C10orf67: variants seen among roughly 807,000 people sequenced by gnomAD.
C10orf67 encodes chromosome 10 open reading frame 67, also known as uncharacterized protein C10orf67, mitochondrial.
In C10orf67, 60 loss-of-function variants were observed where a neutral mutation model predicts 35.6. The ratio of observed to expected loss-of-function variants is 1.68; its 90% confidence interval spans 1.37 to 2.09. The LOEUF (loss-of-function observed/expected upper bound fraction) is 2.09. C10orf67 is among the 30% of genes most tolerant of loss of function. The probability of loss-of-function intolerance (pLI) is 0.00; values close to 1 mark genes in which losing one functional copy is unlikely to be tolerated. For synonymous variants in C10orf67, 167 were observed against 115.8 expected, an observed-to-expected ratio of 1.44 and a Z score of -2.84; for missense variants, 474 against 330.2, an observed-to-expected ratio of 1.44 and a Z score of -3.38.
rs79291662 is a variant in C10orf67, at chr10:23,283,571, C to A, written c.910-1493G>T. 4.7e-3 allele frequency among the ~76,000 whole-genome samples: 709 copies of A among 152,280 alleles called. 5 individuals are homozygous for A. Among genetic ancestry groups the A allele is most frequent in the African/African-American group, 0.016 (675 of 41,544 alleles). ...CAACGCACTCAGAAGGTAATTCAAA[C>A]CTTTCTGCATGAATATAATCTTCTG... On this transcript the variant is annotated intron_variant, in intron 7 of 15. Coordinates refer to ENST00000636213, the MANE Select transcript of C10orf67 (RefSeq NM_001371909.1).
Position 23,344,718 on chromosome 10 carries a change from C to A in C10orf67, c.57G>T (p.Trp19Cys). Residue 19 changes from tryptophan to cysteine, a missense_variant, in exon 1 of 16, where the codon TGG becomes TGT. Coordinates refer to ENST00000636213, the MANE Select transcript of C10orf67 (RefSeq NM_001371909.1). ...TCAAGGAGGAGGAAAAGCAGTGAAC[C>A]CATCTAATAACTATGCTCATGACAT... is the stretch of plus-strand genomic sequence containing the variant. Reference protein sequence around the residue: ...AHYVMSIVIRWVHCFSSSLRG... With the variant: ...AHYVMSIVIRCVHCFSSSLRG... 6.4e-7 allele frequency: 1 copy of A among 1,574,186 alleles called. No individual in the cohort carries two copies. The highest frequency in any genetic ancestry group is 8.6e-7 in the Non-Finnish European group (1 of 1,160,230).
At chr10:23,205,841 C>G (rs1160042227) in intron 15 of C10orf67, among the ~76,000 whole-genome samples, 1 of 152,002 alleles carries the variant, frequency 6.6e-6, no homozygotes, top group Non-Finnish European at 1.5e-5. Context: ...TAATAAAATT[C>G]TTATTTTCTT....
chr10:23,225,958 A>C (rs1841728335), intron 13 of C10orf67, among the ~76,000 whole-genome samples: 1 of 152,100 alleles, frequency 6.6e-6, no homozygotes. Flanking sequence ...AGAGACCTAC[A>C]AAGAGACTTA....
At chr10:23,238,602 A>G (rs948057517) in intron 13 of C10orf67, among the ~76,000 whole-genome samples, 1 of 152,244 alleles carries the variant, frequency 6.6e-6, no homozygotes, top group Non-Finnish European at 1.5e-5. Context: ...GGATAATTCA[A>G]ATTTGGACTA....
At chr10:23,329,797 C>CAAAAAAAAAAAAAAAAAAA (rs398013008) in intron 2 of C10orf67, among the ~76,000 whole-genome samples, 47 of 48,066 alleles carry the variant, frequency 9.8e-4, no homozygotes, top group African/African-American at 1.6e-3. Context: ...GAACTTGTCT[C>CAAAAAAAAAAAAAAAAAAA]AAAAAAAAAA....
chr10:23,344,437 A>G (rs1846056862), intron 1 of C10orf67, 132 bp downstream of exon 1: 1 of 899,060 alleles, frequency 1.1e-6, no homozygotes, highest in Admixed American at 2.3e-5. Context: ...TCCCCACAAG[A>G]CTCCCACAGC....
chr10:23,213,744 C>A (rs1056992761), intron 15 of C10orf67, among the ~76,000 whole-genome samples: 3 of 151,282 alleles, frequency 2.0e-5, no homozygotes, highest in African/African-American at 7.3e-5. Context: ...ATGGGGGAAA[C>A]GATAAAATAC....
intron 7 of C10orf67, among the ~76,000 whole-genome samples, chr10:23,282,542 T>G (rs552788102): frequency 4.6e-5 from 7 of 152,278 alleles, no homozygotes; most frequent in Non-Finnish European, 8.8e-5. Flanking sequence ...GCAGGAGGAT[T>G]GCTTGAGGCC....
chr10:23,254,584 C>G (rs1842550023), intron 10 of C10orf67, among the ~76,000 whole-genome samples: 1 of 152,054 alleles, frequency 6.6e-6, no homozygotes, highest in Non-Finnish European at 1.5e-5. Flanking sequence ...ATTAAAAATT[C>G]ACAAAATTAA....
intron 5 of C10orf67, among the ~76,000 whole-genome samples, chr10:23,293,511 G>C (rs1843784361): frequency 6.6e-6 from 1 of 152,158 alleles, no homozygotes; most frequent in Non-Finnish European, 1.5e-5. Flanking sequence ...GTTTGTGTTT[G>C]CTTAAACCAG....
chr10:23,314,912 A>G (rs1232984635), intron 4 of C10orf67, among the ~76,000 whole-genome samples: 9 of 152,208 alleles, frequency 5.9e-5, no homozygotes, highest in African/African-American at 1.9e-4. Context: ...ATAAATTTAG[A>G]AACTTGTTCA....
At chr10:23,212,990 A>G (rs980092226) in intron 15 of C10orf67, among the ~76,000 whole-genome samples, 5 of 152,196 alleles carry the variant, frequency 3.3e-5, no homozygotes, top group African/African-American at 1.2e-4. Flanking sequence ...CAAAGAGTTC[A>G]TGTTTAATGA....
At chr10:23,242,381 G>T (rs2132142919) in intron 12 of C10orf67, among the ~76,000 whole-genome samples, 1 of 152,240 alleles carries the variant, frequency 6.6e-6, no homozygotes, top group South Asian at 2.1e-4. Flanking sequence ...CCAAAGAAAA[G>T]CTGAGAGAAT....
intron 4 of C10orf67, among the ~76,000 whole-genome samples, chr10:23,304,052 TG>T (rs1267305764): frequency 7.9e-5 from 12 of 152,320 alleles, no homozygotes; most frequent in African/African-American, 2.9e-4. Context: ...CCTGTACCTC[TG>T]GTGACAAGCC....
At chr10:23,238,100 A>G (rs1404522143) in intron 13 of C10orf67, among the ~76,000 whole-genome samples, 1 of 152,194 alleles carries the variant, frequency 6.6e-6, no homozygotes, top group African/African-American at 2.4e-5. Context: ...CTGTCACCTC[A>G]TGGAATTTAC....
At chr10:23,206,532 C>G (rs569775592) in intron 15 of C10orf67, among the ~76,000 whole-genome samples, 3 of 152,124 alleles carry the variant, frequency 2.0e-5, no homozygotes, top group African/African-American at 7.2e-5. Context: ...TGGAGATGAC[C>G]TATTGCTTTC....
chr10:23,328,447 G>A (rs1360583135), intron 2 of C10orf67, among the ~76,000 whole-genome samples: 1 of 152,112 alleles, frequency 6.6e-6, no homozygotes, highest in Non-Finnish European at 1.5e-5. Flanking sequence ...ATAGAAGCTG[G>A]AAGGGGAGCA....
chr10:23,231,375 A>G lies in C10orf67; in HGVS notation c.1435-7557T>C, dbSNP rs372503684. On this transcript the variant is annotated intron_variant, in intron 13 of 15. Transcript: ENST00000636213. ...TCTTTCTGGAGAAAGTCTAGAACCC[A>G]TGGACATGAAGTTGACCACCTTTAT... Among the ~76,000 whole-genome samples, 28 of 152,322 alleles carry G rather than the reference A, an allele frequency of 1.8e-4. No homozygotes were observed. The South Asian group carries it at 4.3e-3, about 24-fold the overall frequency.
intron 15 of C10orf67, among the ~76,000 whole-genome samples, chr10:23,208,144 A>C (rs1176342430): frequency 1.3e-5 from 2 of 152,344 alleles, no homozygotes; most frequent in South Asian, 2.1e-4. Flanking sequence ...TTGAAATTAC[A>C]AGCAGCTAGT....
Sources: allele counts gnomAD v4.1 joint callset (sites outside exome capture counted in the v4.1 genomes callset), GRCh38; gene constraint gnomAD v4.1.1; transcripts MANE v1.5; gene names NCBI Gene and HGNC (gene_info 2026-07-23, HGNC 2026-07-21).